The following SLC24A3 variants were observed in gnomAD, a reference collection of about 807,000 sequenced individuals.
SLC24A3 encodes solute carrier family 24 member 3.
A neutral mutation model predicts 75.8 loss-of-function variants in SLC24A3; 28 were observed. The observed-to-expected ratio is 0.37, with a 90% CI of 0.27 to 0.51. The LOEUF is 0.51. SLC24A3 is among the 20% of genes least tolerant of loss of function. The pLI, the probability that SLC24A3 is intolerant of heterozygous loss-of-function variation, is 0.94. For synonymous variants in SLC24A3, 372 were observed against 334.1 expected (o/e 1.11, Z -1.24); for missense variants, 663 against 847.8 (o/e 0.78, Z 2.71).
chr20:19,625,310 A>G (rs2031853930), intron 6 of SLC24A3, among the ~76,000 whole-genome samples: 1 of 152,202 alleles, frequency 6.6e-6, no homozygotes, highest in South Asian at 2.1e-4. Context: ...ATAACATTAT[A>G]AGGCTTGGTC....
At chr20:19,378,046 G>C (rs2122367295) in intron 2 of SLC24A3, among the ~76,000 whole-genome samples, 1 of 152,280 alleles carries the variant, frequency 6.6e-6, no homozygotes, top group East Asian at 1.9e-4. Flanking sequence ...TTACAGAAAA[G>C]GTTTCCTGGC....
chr20:19,654,979 T>C (rs1012846029), intron 7 of SLC24A3, among the ~76,000 whole-genome samples: 2 of 152,156 alleles, frequency 1.3e-5, no homozygotes, highest in African/African-American at 4.8e-5. Flanking sequence ...TCCCCAGGAC[T>C]TGCCTTTCTA....
chr20:19,493,182 C>A (rs911093229), intron 2 of SLC24A3, among the ~76,000 whole-genome samples: 1 of 152,108 alleles, frequency 6.6e-6, no homozygotes, highest in Non-Finnish European at 1.5e-5. Context: ...CAGATGTGGG[C>A]CATTTCTTTG....
chr20:19,495,719 T>A (rs968847855), intron 2 of SLC24A3, among the ~76,000 whole-genome samples: 24 of 152,244 alleles, frequency 1.6e-4, no homozygotes, highest in Admixed American at 8.5e-4. Flanking sequence ...TTGCCTTTTC[T>A]CTAGAACTTC....
chr20:19,557,823 AT>A (rs764967978), intron 3 of SLC24A3, among the ~76,000 whole-genome samples: 25 of 152,062 alleles, frequency 1.6e-4, no homozygotes, highest in Non-Finnish European at 2.8e-4. Flanking sequence ...GTCCACTTTC[AT>A]TTTTCTCAAA....
chr20:19,577,211 C>T (rs1237883845), intron 3 of SLC24A3, among the ~76,000 whole-genome samples: 6 of 152,134 alleles, frequency 3.9e-5, no homozygotes, highest in Admixed American at 6.5e-5. Context: ...CCCACCACCA[C>T]GCGCAGCTAA....
chr20:19,473,060 T>C (rs1987901598), intron 2 of SLC24A3, among the ~76,000 whole-genome samples: 1 of 152,226 alleles, frequency 6.6e-6, no homozygotes. Context: ...GAGGCCGCTA[T>C]GCATCTGATA....
At chr20:19,654,000 A>G in intron 6 of SLC24A3, 62 bp from the exon 7 acceptor site, 16 of 1,412,366 alleles carry the variant, frequency 1.1e-5, no homozygotes, top group Middle Eastern at 3.7e-4. Flanking sequence ...AACCTGCAAG[A>G]GTCCCGCCAT....
chr20:19,385,924 A>G (rs1600458531), intron 2 of SLC24A3, among the ~76,000 whole-genome samples: 1 of 152,172 alleles, frequency 6.6e-6, no homozygotes, highest in East Asian at 1.9e-4. Flanking sequence ...GGCATGAGCC[A>G]CCACCTGGCC....
chr20:19,269,651 C>T (rs1274932635), intron 1 of SLC24A3, among the ~76,000 whole-genome samples: 1 of 152,168 alleles, frequency 6.6e-6, no homozygotes, highest in Non-Finnish European at 1.5e-5. Context: ...GCACAAACAC[C>T]TATACAGGTT....
chr20:19,214,005 C>A (rs1411861799), intron 1 of SLC24A3, among the ~76,000 whole-genome samples: 1 of 152,252 alleles, frequency 6.6e-6, no homozygotes, highest in Admixed American at 6.5e-5. Flanking sequence ...TTGAGGTCGA[C>A]GTAGCTCTAA....
intron 2 of SLC24A3, among the ~76,000 whole-genome samples, chr20:19,283,639 C>T (rs867797648): frequency 2.0e-5 from 3 of 152,142 alleles, no homozygotes; most frequent in South Asian, 4.1e-4. Flanking sequence ...AGGGCCTTAT[C>T]TCTACCCCGG....
intron 2 of SLC24A3, among the ~76,000 whole-genome samples, chr20:19,297,164 T>C (rs952856821): frequency 4.6e-5 from 7 of 152,222 alleles, no homozygotes; most frequent in African/African-American, 1.7e-4. Flanking sequence ...CATCAATCCA[T>C]GCTATTTTAG....
intron 1 of SLC24A3, among the ~76,000 whole-genome samples, chr20:19,249,783 T>C (rs903851575): frequency 5.3e-5 from 8 of 152,212 alleles, no homozygotes; most frequent in African/African-American, 1.9e-4. Flanking sequence ...GTTAATTGCA[T>C]GATGATTTGC....
chr20:19,232,576 T>C (rs889543601), intron 1 of SLC24A3, among the ~76,000 whole-genome samples: 13 of 152,234 alleles, frequency 8.5e-5, no homozygotes, highest in African/African-American at 3.1e-4. Context: ...AACACCTTTG[T>C]GCATGAGTCT....
intron 1 of SLC24A3, among the ~76,000 whole-genome samples, chr20:19,258,555 T>A (rs1309672426): frequency 6.6e-6 from 1 of 151,934 alleles, no homozygotes; most frequent in African/African-American, 2.4e-5. Context: ...AATACAAAAT[T>A]AGCTGGTTGT....
intron 8 of SLC24A3, among the ~76,000 whole-genome samples, chr20:19,667,272 AG>A (rs1425045074): frequency 6.6e-6 from 1 of 152,228 alleles, no homozygotes; most frequent in Non-Finnish European, 1.5e-5. Flanking sequence ...GAAAATGAGA[AG>A]GAGGTCTTCT....
chr20:19,358,739 A>G (rs1985734132), intron 2 of SLC24A3, among the ~76,000 whole-genome samples: 1 of 152,234 alleles, frequency 6.6e-6, no homozygotes, highest in South Asian at 2.1e-4. Context: ...TACCACCCCA[A>G]GGGATATTCT....
intron 6 of SLC24A3, among the ~76,000 whole-genome samples, chr20:19,606,593 G>A (rs1010498621): frequency 3.3e-5 from 5 of 152,090 alleles, no homozygotes; most frequent in African/African-American, 1.2e-4. Flanking sequence ...GGAAGTAACC[G>A]CTTCTTTGTG....
Sources: gnomAD v4.1 joint callset for allele counts (sites outside exome capture counted in the v4.1 genomes callset) on GRCh38, gnomAD v4.1.1 for gene constraint, MANE v1.5 for transcripts, NCBI Gene and HGNC (gene_info 2026-07-23, HGNC 2026-07-21) for gene names.